Variants in DPP10 observed in about 807,000 individuals in gnomAD.
DPP10 encodes the protein inactive dipeptidyl peptidase 10.
A neutral mutation model predicts 120.9 loss-of-function variants in DPP10; 33 were observed. That is an observed-to-expected ratio of 0.27 (90% confidence interval 0.21 to 0.37). The LOEUF is 0.37. Among genes scored for constraint, DPP10 ranks in the 10% least tolerant of loss-of-function variants. DPP10 has a pLI of 1.00. For missense variants in DPP10, 816 were observed against 942.8 expected, an observed-to-expected ratio of 0.87 and a Z score of 1.76; for synonymous variants, 337 against 326.1, an observed-to-expected ratio of 1.03 and a Z score of -0.36.
chr2:115,764,754 G>C (rs12474129), intron 12 of DPP10, among the ~76,000 whole-genome samples: 1 of 151,888 alleles, frequency 6.6e-6, no homozygotes, highest in Admixed American at 6.6e-5. Context: ...TATCACAGTT[G>C]ATTTTTTTCT....
intron 5 of DPP10, among the ~76,000 whole-genome samples, chr2:115,619,087 C>A (rs1485532514): frequency 1.5e-5 from 1 of 66,988 alleles, no homozygotes; most frequent in Non-Finnish European, 2.7e-5. Context: ...AATTGAGAGA[C>A]ATTTGTCTCT....
chr2:114,909,347 TC>T (rs903105858), intron 1 of DPP10, among the ~76,000 whole-genome samples: 2 of 152,018 alleles, frequency 1.3e-5, no homozygotes, highest in Non-Finnish European at 2.9e-5. Flanking sequence ...TATAAATAAT[TC>T]TTTAGCTGGA....
At chr2:115,606,320 A>G (rs576109160) in intron 5 of DPP10, among the ~76,000 whole-genome samples, 36 of 152,218 alleles carry the variant, frequency 2.4e-4, no homozygotes, top group Admixed American at 1.6e-3. Flanking sequence ...TTTAAATGAA[A>G]TTGCCAAAAA....
At chr2:115,252,465 C>T (rs2058797119) in intron 1 of DPP10, among the ~76,000 whole-genome samples, 1 of 152,130 alleles carries the variant, frequency 6.6e-6, no homozygotes, top group African/African-American at 2.4e-5. Context: ...AATTGCCAAG[C>T]TTATTGTTTA....
intron 3 of DPP10, among the ~76,000 whole-genome samples, chr2:115,352,636 C>T (rs2064110721): frequency 6.6e-6 from 1 of 152,072 alleles, no homozygotes; most frequent in African/African-American, 2.4e-5. Context: ...GGTGAATAAA[C>T]ACAGTCCCTT....
intron 1 of DPP10, chr2:115,144,515 T>C (rs1427223801): frequency 4.0e-5 from 6 of 151,478 alleles, no homozygotes; most frequent in African/African-American, 1.5e-4. Context: ...AGTTCATGGG[T>C]CAATCAGAAA....
chr2:114,634,374 GT>G (rs60126852), intron 1 of DPP10, among the ~76,000 whole-genome samples: 16,945 of 151,152 alleles, frequency 0.11, 1,447 homozygotes, highest in African/African-American at 0.22. Flanking sequence ...ATTTTTTTAA[GT>G]TTTTTTTTAT....
intron 1 of DPP10, among the ~76,000 whole-genome samples, chr2:115,294,691 T>C (rs1326148055): frequency 1.3e-5 from 2 of 152,090 alleles, no homozygotes; most frequent in Admixed American, 1.3e-4. Flanking sequence ...TACACCTATG[T>C]AGTTTATGAA....
chr2:114,752,224 A>AT (rs1679300061), intron 1 of DPP10, among the ~76,000 whole-genome samples: 1 of 152,130 alleles, frequency 6.6e-6, no homozygotes. Context: ...TTCCCCTGCC[A>AT]TGTGCTGGTT....
intron 1 of DPP10, among the ~76,000 whole-genome samples, chr2:114,589,390 C>G (rs576968281): frequency 1.3e-5 from 2 of 152,288 alleles, no homozygotes; most frequent in African/African-American, 2.4e-5. Context: ...CAAATGAAGA[C>G]AAACAGATAT....
intron 12 of DPP10, among the ~76,000 whole-genome samples, chr2:115,767,473 ATG>A (rs10689084): frequency 0.51 from 77,125 of 150,494 alleles, 21,631 homozygotes; most frequent in East Asian, 0.72. Context: ...ACATACATAT[ATG>A]TGTGTGTGTG....
chr2:115,307,540 G>A (rs1486402735), intron 1 of DPP10, among the ~76,000 whole-genome samples: 3 of 152,074 alleles, frequency 2.0e-5, no homozygotes, highest in Non-Finnish European at 4.4e-5. Context: ...CCCATTCGCT[G>A]TTGGTTACTG....
rs557699462 is a variant in DPP10 at position 115,707,047 on chromosome 2, G to A, written c.576+17126G>A. On this transcript the variant is annotated intron_variant, in intron 7 of 25. Coordinates refer to ENST00000410059, the MANE Select transcript of DPP10 (RefSeq NM_020868.6). The stretch of plus-strand genomic sequence containing the variant: ...CTACAGCCTAATCTATAATCTCAAC[G>A]GAACATAGAGTAAAAAGAAATCCAC... Among the ~76,000 whole-genome samples, 10 of 151,850 alleles carry A rather than the reference G, an allele frequency of 6.6e-5. No homozygotes were observed. The South Asian group carries it at 1.7e-3, about 25-fold the overall frequency.
chr2:114,842,492 C>T (rs1688239196), intron 1 of DPP10, among the ~76,000 whole-genome samples: 2 of 151,952 alleles, frequency 1.3e-5, no homozygotes, highest in Admixed American at 1.3e-4. Flanking sequence ...CAGCAACTCC[C>T]CATGATTAGA....
chr2:115,107,422 CTTTTTTTTTTTTTTT>C (rs59046305), intron 1 of DPP10, among the ~76,000 whole-genome samples: 3,127 of 59,972 alleles, frequency 0.052, 117 homozygotes, highest in South Asian at 0.094. Context: ...TTGGTTATAG[CTTTTTTTTTTTTTTT>C]TTTTTTTTTT....
At chr2:115,590,633 T>G (rs1260970340) in intron 5 of DPP10, among the ~76,000 whole-genome samples, 1 of 152,230 alleles carries the variant, frequency 6.6e-6, no homozygotes, top group Admixed American at 6.5e-5. Context: ...AACATACGTG[T>G]GAATGTGTCT....
At chr2:114,770,272 T>C (rs13412853) in intron 1 of DPP10, among the ~76,000 whole-genome samples, 4,841 of 152,226 alleles carry the variant, frequency 0.032, 277 homozygotes, top group African/African-American at 0.11. Context: ...TAAGGGGACC[T>C]CATACCTCTA....
intron 1 of DPP10, among the ~76,000 whole-genome samples, chr2:115,162,910 C>G (rs1573847698): frequency 6.6e-6 from 1 of 152,022 alleles, no homozygotes; most frequent in African/African-American, 2.4e-5. Flanking sequence ...CCGAGACACC[C>G]TGGCGAGGAG....
Position 114,442,759 on chromosome 2 carries a change from A to G in DPP10, c.-20A>G, listed in dbSNP as rs757495792. 3 of 1,613,022 alleles carry G rather than the reference A, an allele frequency of 1.9e-6. No homozygotes were observed. The highest frequency in any genetic ancestry group is 2.2e-5 in the South Asian group (2 of 91,048). On this transcript the variant is annotated 5_prime_UTR_variant, in exon 1 of 26. Coordinates refer to ENST00000410059, the MANE Select transcript of DPP10 (RefSeq NM_020868.6). Reference sequence around the variant, plus strand: ...TCTGGAACTCCGCCTGGGATTGTGCACTGTCCAGGGTCCTGAAACATGAAC... The same window carrying G: ...TCTGGAACTCCGCCTGGGATTGTGCGCTGTCCAGGGTCCTGAAACATGAAC...
Sources: gnomAD v4.1 joint callset for allele counts (sites outside exome capture counted in the v4.1 genomes callset) on GRCh38, gnomAD v4.1.1 for gene constraint, MANE v1.5 for transcripts, NCBI Gene and HGNC (gene_info 2026-07-23, HGNC 2026-07-21) for gene names.